Variants in HPS3 observed in about 807,000 individuals in gnomAD.
HPS3 encodes the protein BLOC-2 complex member HPS3.
In HPS3, 79 loss-of-function variants were observed where a neutral mutation model predicts 110.9. That is an observed-to-expected ratio of 0.71 (90% CI 0.59 to 0.86). The LOEUF (loss-of-function observed/expected upper bound fraction) is 0.86. Ranked by LOEUF, HPS3 falls within the 40% of genes least tolerant of loss-of-function variation. The pLI is 0.00. For missense variants in HPS3, 1,197 were observed against 1,206.2 expected (o/e 0.99, Z 0.11); for synonymous variants, 428 against 451.0 (o/e 0.95, Z 0.65).
At chr3:149,168,063 T>C (rs1053601200) in intron 16 of HPS3, 80 bp downstream of exon 16, 2 of 898,412 alleles carry the variant, frequency 2.2e-6, no homozygotes, top group Non-Finnish European at 3.7e-6. Context: ...AGTATTTTCA[T>C]GTGATTCTCA....
In HPS3 at chr3:149,172,357, T is replaced by C. The variant is rs375383865; in HGVS notation, c.*135T>C. On this transcript the variant is annotated 3_prime_UTR_variant, in exon 17 of 17. Transcript: ENST00000296051. ...ACACACACACACACACACACACACA[T>C]ATATGATACAAATGCTTTCAGGCTG... The C allele has an allele frequency of 5.6e-3, 2,618 of 468,382 alleles. 18 individuals are homozygous for C. Among genetic ancestry groups the C allele is most frequent in the African/African-American group, 0.037 (1,284 of 34,812 alleles). The allele number at this position is 468,382 out of a possible 1,614,324, so 29.0% of individuals were successfully genotyped here. A position where few individuals can be genotyped will look rare whatever the true frequency, so the allele number is the denominator to read the frequency against.
intron 14 of HPS3, among the ~76,000 whole-genome samples, chr3:149,164,607 C>G (rs1006730391): frequency 6.6e-6 from 1 of 152,180 alleles, no homozygotes; most frequent in African/African-American, 2.4e-5. Context: ...TTTCTTTGGT[C>G]TTCCCAGTGT....
intron 1 of HPS3, among the ~76,000 whole-genome samples, chr3:149,132,880 C>T (rs1224594860): frequency 6.6e-6 from 1 of 152,152 alleles, no homozygotes; most frequent in African/African-American, 2.4e-5. Context: ...TCATGGATGA[C>T]TTTGAGGGGT....
chr3:149,145,603 G>A (rs1722743969), intron 5 of HPS3, 57 bp downstream of exon 5: 1 of 1,345,166 alleles, frequency 7.4e-7, no homozygotes, highest in South Asian at 1.2e-5. Flanking sequence ...AATTTTTGAG[G>A]TACTTCCTAA....
chr3:149,129,749 C>A lies in HPS3; in HGVS notation c.26C>A (p.Pro9Gln). 1 of 1,605,378 alleles carries A rather than the reference C, an allele frequency of 6.2e-7. No individual in the cohort carries two copies. The change falls in exon 1 of 17, where the codon CCG becomes CAG. Residue 9 changes from proline to glutamine, a missense_variant. Pro to Gln is a moderately conservative substitution (Grantham distance 76). Transcript: ENST00000296051. MVQLYNLH[P>Q]FGSQQVVPCK... ...ATGGTGCAGCTGTACAACCTGCACC[C>A]GTTCGGGTCGCAGCAGGTGGTGCCC...
chr3:149,159,804 C>G (rs1372436976), intron 10 of HPS3, among the ~76,000 whole-genome samples: 1 of 152,080 alleles, frequency 6.6e-6, no homozygotes, highest in Non-Finnish European at 1.5e-5. Flanking sequence ...CTGGCCATAA[C>G]CTGGTACATA....
intron 7 of HPS3, chr3:149,154,200 A>G (rs113940367): frequency 0.012 from 1,808 of 153,774 alleles, 22 homozygotes; most frequent in South Asian, 0.02. Flanking sequence ...GCTTAATTCC[A>G]GACTAGTTAT....
chr3:149,151,611 AAAAAAG>A (rs1299087283), intron 6 of HPS3, among the ~76,000 whole-genome samples: 1 of 147,872 alleles, frequency 6.8e-6, no homozygotes, highest in South Asian at 2.1e-4. Context: ...AAAAAAAAAA[AAAAAAG>A]CCTCTTGACC....
intron 1 of HPS3, chr3:149,130,287 C>G (rs751597115): frequency 2.7e-6 from 1 of 365,836 alleles, no homozygotes; most frequent in South Asian, 3.3e-5. Flanking sequence ...AAAGACTTAC[C>G]AAAAAAACAA....
chr3:149,133,546 G>A (rs1412002292), intron 1 of HPS3, among the ~76,000 whole-genome samples: 3 of 151,972 alleles, frequency 2.0e-5, no homozygotes, highest in East Asian at 1.9e-4. Context: ...TGATCCACCC[G>A]CCTTGGCCTC....
In HPS3 at chr3:149,166,356, A is replaced by G. The variant is rs578072459; in HGVS notation, c.2590-678A>G. Among the ~76,000 whole-genome samples the G allele has an allele frequency of 2.0e-5, 3 of 152,352 alleles. No individual in the cohort carries two copies. In the East Asian group the frequency reaches 5.8e-4, roughly 29 times the overall value. On this transcript the variant is annotated intron_variant, in intron 14 of 16. Transcript: ENST00000296051. ...CATGCTTATAGAAAATTTGGAAACTACAGGAAGGGGTGTAAAGAAAACAAA... is the reference window on the plus strand; with the variant it reads ...CATGCTTATAGAAAATTTGGAAACTGCAGGAAGGGGTGTAAAGAAAACAAA...
chr3:149,132,461 C>T lies in HPS3; in HGVS notation c.217+2521C>T, dbSNP rs569881498. 2.0e-5 allele frequency among the ~76,000 whole-genome samples: 3 copies of T among 152,336 alleles called. No individual in the cohort carries two copies. The South Asian group carries it at 6.2e-4, about 32-fold the overall frequency. ...CTGGGTGACAGCACAGCTGTTACAA[C>T]ATTGTTTACTGAATATTTTAAGCCC... On this transcript the variant is annotated intron_variant, in intron 1 of 16. Transcript: ENST00000296051.
chr3:149,141,302 G>C lies in HPS3; in HGVS notation c.892G>C (p.Ala298Pro), dbSNP rs758012717. 8 of 1,611,044 alleles carry C rather than the reference G, an allele frequency of 5.0e-6. No individual in the cohort carries two copies. The highest frequency in any genetic ancestry group is 1.7e-4 in the Middle Eastern group (1 of 6,058). The change falls in exon 4 of 17, where the codon GCT (alanine) becomes CCT (proline). Residue 298 changes from alanine to proline, a missense_variant. Physicochemically the swap from Ala to Pro is conservative, Grantham distance 27 (BLOSUM62 -1). Coordinates refer to ENST00000296051, the MANE Select transcript of HPS3 (RefSeq NM_032383.5). ...HFQHLLYRRF[A>P]PDISSYVLSD... is the part of the protein sequence containing the mutation. The stretch of plus-strand genomic sequence containing the variant: ...GTCTTTTTAAACCCACAGACGTTTT[G>C]CTCCTGATATTTCGTCCTATGTCTT...
rs540674205 is a variant in HPS3 at position 149,173,690 on chromosome 3, C to T, written c.*1468C>T. The T allele has an allele frequency of 3.8e-5, 54 of 1,423,812 alleles. No homozygotes were observed. In the South Asian group the frequency reaches 6.6e-4, roughly 17 times the overall value. 88.2% of individuals were successfully genotyped at this position (1,423,812 alleles called of 1,614,324 possible). On this transcript the variant is annotated 3_prime_UTR_variant, in exon 17 of 17. Transcript: ENST00000296051. ...TGAATCATTGGTTTTTCTCTTTTTTCCACTTATCACCAATTTATTTCATTC... is the reference window on the plus strand; with the variant it reads ...TGAATCATTGGTTTTTCTCTTTTTTTCACTTATCACCAATTTATTTCATTC...
intron 3 of HPS3, 25 bp downstream of exon 3, chr3:149,141,213 T>A (rs1169059718): frequency 6.3e-7 from 1 of 1,591,360 alleles, no homozygotes; most frequent in Non-Finnish European, 8.6e-7. Flanking sequence ...TTTTTTTTTT[T>A]ACCAGCATTT....
rs1721644992 is a variant in HPS3, at chr3:149,129,888, G to A, written c.165G>A (p.Arg55=). 4.4e-6 allele frequency: 7 copies of A among 1,588,330 alleles called. No individual in the cohort carries two copies. The highest frequency in any genetic ancestry group is 5.1e-6 in the Non-Finnish European group (6 of 1,172,900). ...AVAGQELCQP[R]CAFSTLGRVL... is the part of the protein sequence containing the mutation. ...CCGGCCAGGAGCTGTGCCAGCCGCG[G>A]TGCGCCTTCTCCACGCTGGGCCGGG... The change falls in exon 1 of 17, where the codon CGG becomes CGA. Residue 55 remains arginine (R), a synonymous_variant. Transcript: ENST00000296051.
At chr3:149,145,248 T>G in intron 4 of HPS3, 106 bp from the exon 5 acceptor site, 1 of 840,836 alleles carries the variant, frequency 1.2e-6, no homozygotes. Flanking sequence ...TTTGCAACTC[T>G]TTGGTTACCC....
intron 9 of HPS3, among the ~76,000 whole-genome samples, chr3:149,157,816 C>A (rs752342582): frequency 2.6e-5 from 4 of 152,146 alleles, no homozygotes; most frequent in Non-Finnish European, 5.9e-5. Context: ...AGGACTTTGA[C>A]ATTTTTCTCA....
chr3:149,140,709 A>G (rs1467486082), intron 2 of HPS3, among the ~76,000 whole-genome samples: 1 of 152,190 alleles, frequency 6.6e-6, no homozygotes, highest in African/African-American at 2.4e-5. Context: ...TAATGGAACA[A>G]CCACTGCTAG....
Sources: gnomAD v4.1 joint callset for allele counts (sites outside exome capture counted in the v4.1 genomes callset) on GRCh38, gnomAD v4.1.1 for gene constraint, MANE v1.5 for transcripts, NCBI Gene and HGNC (gene_info 2026-07-23, HGNC 2026-07-21) for gene names.